LRMDA: variants seen among roughly 807,000 people sequenced by gnomAD.
The protein encoded by LRMDA is leucine-rich melanocyte differentiation-associated protein.
In LRMDA, 18 loss-of-function variants were observed where a neutral mutation model predicts 29.8. The ratio of observed to expected loss-of-function variants is 0.60; its 90% CI spans 0.42 to 0.90. The LOEUF (loss-of-function observed/expected upper bound fraction) is 0.90. Among genes scored for constraint, LRMDA ranks in the 40% least tolerant of loss-of-function variants. The probability of loss-of-function intolerance (pLI) is 0.00; values close to 1 mark genes in which losing one functional copy is unlikely to be tolerated. For missense variants in LRMDA, 273 were observed against 273.9 expected (o/e 1.00, Z 0.02); for synonymous variants, 125 against 109.4 (o/e 1.14, Z -0.89).
At chr10:75,724,042 C>T (rs1842601452) in intron 2 of LRMDA, among the ~76,000 whole-genome samples, 2 of 151,978 alleles carry the variant, frequency 1.3e-5, no homozygotes, top group African/African-American at 4.8e-5. Flanking sequence ...ATCAGATTTC[C>T]ATTAGATGCA....
chr10:75,829,367 G>A (rs1037325299), intron 2 of LRMDA, among the ~76,000 whole-genome samples: 1 of 152,176 alleles, frequency 6.6e-6, no homozygotes, highest in African/African-American at 2.4e-5. Context: ...GTTCTCGGGA[G>A]AACAGTTGTC....
chr10:76,386,775 A>G (rs1200739753), intron 6 of LRMDA, among the ~76,000 whole-genome samples: 1 of 152,094 alleles, frequency 6.6e-6, no homozygotes, highest in Non-Finnish European at 1.5e-5. Flanking sequence ...AAGCAAAATT[A>G]AGGAAAATAA....
intron 6 of LRMDA, among the ~76,000 whole-genome samples, chr10:76,422,166 T>C (rs1043873606): frequency 2.0e-5 from 3 of 152,090 alleles, no homozygotes; most frequent in African/African-American, 7.2e-5. Context: ...CTTATAAGAC[T>C]GTGAAGTTTG....
intron 2 of LRMDA, among the ~76,000 whole-genome samples, chr10:76,004,726 ATTTT>A (rs926291826): frequency 7.5e-6 from 1 of 134,028 alleles, no homozygotes; most frequent in Admixed American, 7.6e-5. Context: ...TTTTCTTTTA[ATTTT>A]TTTTTTTTTT....
chr10:75,660,929 C>G (rs1157022256), intron 2 of LRMDA, among the ~76,000 whole-genome samples: 1 of 152,208 alleles, frequency 6.6e-6, no homozygotes, highest in Non-Finnish European at 1.5e-5. Context: ...TGTAGCTGCT[C>G]TGTCTTGAAC....
At chr10:76,324,508 C>T (rs1414491179) in intron 6 of LRMDA, 23 bp downstream of exon 6, 1 of 1,606,852 alleles carries the variant, frequency 6.2e-7, no homozygotes, top group East Asian at 2.2e-5. Flanking sequence ...CTTTTTATTG[C>T]TCTCAGTGGG....
intron 2 of LRMDA, among the ~76,000 whole-genome samples, chr10:75,520,472 C>T (rs1207201881): frequency 1.3e-5 from 2 of 152,298 alleles, no homozygotes; most frequent in East Asian, 3.9e-4. Flanking sequence ...ATCGAATCAG[C>T]TATTGAAGCT....
At chr10:76,470,072 C>T (rs1842602876) in intron 6 of LRMDA, among the ~76,000 whole-genome samples, 1 of 152,026 alleles carries the variant, frequency 6.6e-6, no homozygotes, top group Non-Finnish European at 1.5e-5. Flanking sequence ...AACTATCAAG[C>T]AACAATCTTA....
intron 2 of LRMDA, among the ~76,000 whole-genome samples, chr10:75,675,810 C>T (rs1405097272): frequency 1.3e-5 from 2 of 152,054 alleles, no homozygotes; most frequent in Non-Finnish European, 2.9e-5. Context: ...GTATCTGCTT[C>T]ATTTTGTATA....
At chr10:75,447,907 A>G (rs894336767) in intron 2 of LRMDA, among the ~76,000 whole-genome samples, 1 of 152,130 alleles carries the variant, frequency 6.6e-6, no homozygotes, top group African/African-American at 2.4e-5. Flanking sequence ...ACAAACAAAA[A>G]TCTGACTCCA....
chr10:75,749,095 C>T (rs1287768947), intron 2 of LRMDA, among the ~76,000 whole-genome samples: 2 of 152,130 alleles, frequency 1.3e-5, no homozygotes, highest in Non-Finnish European at 2.9e-5. Context: ...TTTTCCTTCT[C>T]AGCTTACTCA....
intron 6 of LRMDA, among the ~76,000 whole-genome samples, chr10:76,528,253 C>A (rs1021123063): frequency 1.3e-5 from 2 of 151,904 alleles, no homozygotes; most frequent in Non-Finnish European, 2.9e-5. Context: ...TCAAAACACA[C>A]AAAAAGTCAT....
intron 2 of LRMDA, among the ~76,000 whole-genome samples, chr10:75,589,559 C>T (rs1840695648): frequency 6.6e-6 from 1 of 151,942 alleles, no homozygotes; most frequent in Admixed American, 6.6e-5. Flanking sequence ...TCAAGACTAT[C>T]CTGGGCAACA....
At chr10:76,299,681 A>AC (rs1241138455) in intron 5 of LRMDA, among the ~76,000 whole-genome samples, 96 of 150,030 alleles carry the variant, frequency 6.4e-4, no homozygotes, top group Admixed American at 9.3e-4. Context: ...TCCTCTCAGG[A>AC]CTACTGCCTG....
intron 2 of LRMDA, among the ~76,000 whole-genome samples, chr10:75,851,027 A>G (rs1391762293): frequency 1.3e-5 from 2 of 152,234 alleles, no homozygotes; most frequent in African/African-American, 2.4e-5. Context: ...CGCCTGGAAG[A>G]GGATCATTTT....
intron 2 of LRMDA, among the ~76,000 whole-genome samples, chr10:75,817,158 A>G (rs1844074969): frequency 6.6e-6 from 1 of 152,182 alleles, no homozygotes; most frequent in Admixed American, 6.5e-5. Flanking sequence ...GAGGATGTGG[A>G]ATATGAATAA....
intron 2 of LRMDA, among the ~76,000 whole-genome samples, chr10:76,014,226 T>C (rs544770508): frequency 6.7e-6 from 1 of 149,012 alleles, no homozygotes; most frequent in African/African-American, 2.5e-5. Flanking sequence ...TGCTTCTACA[T>C]GGAGCTGAGT....
At chr10:76,014,673 C>T (rs1589289532) in intron 2 of LRMDA, among the ~76,000 whole-genome samples, 1 of 152,194 alleles carries the variant, frequency 6.6e-6, no homozygotes. Context: ...GATCTGTGCT[C>T]AAGCCATTGA....
Position 75,539,113 on chromosome 10 carries a change from A to G in LRMDA, c.131+100619A>G, listed in dbSNP as rs548621094. ...TTCTCTTCAATAGGACTTGTGTCCA[A>G]CAATGTAAGGCATTTTCCCTTGCAG... On this transcript the variant is annotated intron_variant, in intron 2 of 6. Transcript: ENST00000611255. 4.6e-5 allele frequency among the ~76,000 whole-genome samples: 7 copies of G among 152,376 alleles called. No individual in the cohort carries two copies. The South Asian group carries it at 1.4e-3, about 32-fold the overall frequency.
Sources: gnomAD v4.1 joint callset for allele counts (sites outside exome capture counted in the v4.1 genomes callset) on GRCh38, gnomAD v4.1.1 for gene constraint, MANE v1.5 for transcripts, NCBI Gene and HGNC (gene_info 2026-07-23, HGNC 2026-07-21) for gene names.